Variants in AKAP6 observed in about 807,000 individuals in gnomAD.
The protein encoded by AKAP6 is A-kinase anchor protein 6.
A neutral mutation model predicts 188.5 loss-of-function variants in AKAP6; 58 were observed. The ratio of observed to expected loss-of-function variants is 0.31; its 90% CI spans 0.25 to 0.38. The LOEUF (loss-of-function observed/expected upper bound fraction) is 0.38, where lower values mean the gene tolerates loss of function less well. Among genes scored for constraint, AKAP6 ranks in the 10% least tolerant of loss-of-function variants. The pLI is 1.00. For synonymous variants in AKAP6, 989 were observed against 998.6 expected, an observed-to-expected ratio of 0.99 and a Z score of 0.18; for missense variants, 2,710 against 2,740.0, an observed-to-expected ratio of 0.99 and a Z score of 0.24.
intron 2 of AKAP6, among the ~76,000 whole-genome samples, chr14:32,531,017 G>T (rs903865407): frequency 6.6e-6 from 1 of 152,158 alleles, no homozygotes; most frequent in Non-Finnish European, 1.5e-5. Flanking sequence ...CTGTCTCATT[G>T]ACTGGAGACA....
At chr14:32,799,638 A>G (rs1343945753) in intron 12 of AKAP6, among the ~76,000 whole-genome samples, 2 of 151,736 alleles carry the variant, frequency 1.3e-5, no homozygotes, top group Admixed American at 6.6e-5. Context: ...TCTGTTAATG[A>G]TTTCTAGTTT....
chr14:32,559,722 T>G (rs1003317156), intron 4 of AKAP6, among the ~76,000 whole-genome samples: 6 of 151,918 alleles, frequency 3.9e-5, no homozygotes, highest in Non-Finnish European at 7.4e-5. Context: ...GGGTATTTTT[T>G]AAGTTCTTCA....
At chr14:32,351,339 G>C (rs1887260267) in intron 1 of AKAP6, among the ~76,000 whole-genome samples, 1 of 152,172 alleles carries the variant, frequency 6.6e-6, no homozygotes, top group South Asian at 2.1e-4. Flanking sequence ...GAGGCAGGTG[G>C]ATCACCCGAG....
At chr14:32,585,781 C>T (rs1165484895) in intron 5 of AKAP6, among the ~76,000 whole-genome samples, 1 of 151,912 alleles carries the variant, frequency 6.6e-6, no homozygotes, top group African/African-American at 2.4e-5. Context: ...TTGATATAGA[C>T]CTCAAAGGCC....
At chr14:32,685,087 C>T (rs540330283) in intron 8 of AKAP6, among the ~76,000 whole-genome samples, 2 of 91,816 alleles carry the variant, frequency 2.2e-5, no homozygotes, top group Admixed American at 1.2e-4. Flanking sequence ...AAGACCCCCC[C>T]CTACCAAACC....
chr14:32,342,051 A>C (rs1180374297), intron 1 of AKAP6, among the ~76,000 whole-genome samples: 5 of 152,244 alleles, frequency 3.3e-5, no homozygotes, highest in Admixed American at 2.6e-4. Context: ...TCTTGAGTCC[A>C]TGAGTCTGGT....
intron 11 of AKAP6, among the ~76,000 whole-genome samples, chr14:32,763,296 A>G (rs938637683): frequency 6.6e-6 from 1 of 152,162 alleles, no homozygotes; most frequent in Non-Finnish European, 1.5e-5. Flanking sequence ...TGCTTCTACC[A>G]TCACCATAAT....
chr14:32,573,294 T>G (rs1464387093), intron 4 of AKAP6, among the ~76,000 whole-genome samples: 1 of 152,200 alleles, frequency 6.6e-6, no homozygotes, highest in Admixed American at 6.5e-5. Context: ...TTTCATGTAG[T>G]GCAGTGGTGG....
At chr14:32,655,011 T>G (rs1230096305) in intron 7 of AKAP6, among the ~76,000 whole-genome samples, 1 of 152,184 alleles carries the variant, frequency 6.6e-6, no homozygotes, top group Non-Finnish European at 1.5e-5. Context: ...GGTAAAATAT[T>G]TTCATGAGGA....
chr14:32,774,148 T>C (rs1177718269), intron 12 of AKAP6: 4 of 503,336 alleles, frequency 7.9e-6, no homozygotes, highest in Non-Finnish European at 1.4e-5. Context: ...GTGTACCTCA[T>C]TGTCTTTTTG....
chr14:32,748,560 G>A (rs980386962), intron 11 of AKAP6, among the ~76,000 whole-genome samples: 1 of 152,066 alleles, frequency 6.6e-6, no homozygotes, highest in Non-Finnish European at 1.5e-5. Context: ...ATTCCTTGGG[G>A]TTTCACCTAC....
chr14:32,353,315 C>G (rs1655111463), intron 1 of AKAP6, among the ~76,000 whole-genome samples: 1 of 152,204 alleles, frequency 6.6e-6, no homozygotes, highest in Non-Finnish European at 1.5e-5. Flanking sequence ...GTAATCCCAG[C>G]ACTTTGGGAA....
intron 11 of AKAP6, among the ~76,000 whole-genome samples, chr14:32,756,173 G>A (rs2032325070): frequency 6.6e-6 from 1 of 152,094 alleles, no homozygotes; most frequent in African/African-American, 2.4e-5. Context: ...GGATGAGCCT[G>A]GAGCTAGAAT....
intron 2 of AKAP6, among the ~76,000 whole-genome samples, chr14:32,508,351 G>A (rs1473317494): frequency 1.3e-5 from 2 of 152,166 alleles, no homozygotes; most frequent in African/African-American, 2.4e-5. Context: ...GTTCATATGG[G>A]AACAGGGTAG....
intron 11 of AKAP6, among the ~76,000 whole-genome samples, chr14:32,742,352 A>G (rs529979440): frequency 2.3e-4 from 34 of 150,802 alleles, no homozygotes; most frequent in Non-Finnish European, 4.4e-4. Flanking sequence ...TTTTTTCTTC[A>G]TTTCAATTTC....
intron 9 of AKAP6, chr14:32,718,325 C>CTT (rs2030340972): frequency 1.0e-6 from 1 of 985,090 alleles, no homozygotes; most frequent in Non-Finnish European, 1.2e-6. Flanking sequence ...AGCGTTTAAG[C>CTT]CTTAAAGCCT....
At chr14:32,501,867 T>C (rs983848385) in intron 2 of AKAP6, among the ~76,000 whole-genome samples, 2 of 152,152 alleles carry the variant, frequency 1.3e-5, no homozygotes, top group Non-Finnish European at 1.5e-5. Flanking sequence ...TTTTATCACA[T>C]TGGCTCTCCT....
intron 1 of AKAP6, chr14:32,373,377 T>G (rs909629663): frequency 2.0e-5 from 3 of 152,024 alleles, no homozygotes; most frequent in African/African-American, 7.2e-5. Flanking sequence ...TGTCTTCTTG[T>G]GCTGAATCAT....
chr14:32,513,996 AT>A (rs1021318988), intron 2 of AKAP6, among the ~76,000 whole-genome samples: 3 of 152,000 alleles, frequency 2.0e-5, no homozygotes, highest in Admixed American at 6.6e-5. Context: ...TCTTTTTATA[AT>A]TTTTCACCAT....
Sources: allele counts gnomAD v4.1 joint callset (sites outside exome capture counted in the v4.1 genomes callset), GRCh38; gene constraint gnomAD v4.1.1; transcripts MANE v1.5; gene names NCBI Gene and HGNC (gene_info 2026-07-23, HGNC 2026-07-21).